ZNF223: variants seen among roughly 807,000 people sequenced by gnomAD.
ZNF223 encodes the protein zinc finger protein 223, also known as Homo sapiens zinc finger protein 223.
In ZNF223, 9 loss-of-function variants were observed where a neutral mutation model predicts 12.3. The observed-to-expected ratio is 0.73, with a 90% confidence interval of 0.44 to 1.28. ZNF223 has a LOEUF of 1.28. Among genes scored for constraint, ZNF223 ranks in the 50% most tolerant of loss-of-function variants. The pLI is 0.00. For synonymous variants in ZNF223, 171 were observed against 195.2 expected, an observed-to-expected ratio of 0.88 and a Z score of 1.03; for missense variants, 506 against 579.0, an observed-to-expected ratio of 0.87 and a Z score of 1.29.
Position 44,066,296 on chromosome 19 carries a change from C to G in ZNF223, c.468C>G (p.Ser156=), listed in dbSNP as rs1334126489. 4 of 1,614,106 alleles carry G rather than the reference C, an allele frequency of 2.5e-6. No homozygotes were observed. Among genetic ancestry groups the G allele is most frequent in the Non-Finnish European group, 3.4e-6 (4 of 1,180,042 alleles). The change falls in exon 5 of 5, where the codon TCC becomes TCG. Residue 156 remains serine, a synonymous_variant. Coordinates refer to ENST00000434772, the MANE Select transcript of ZNF223 (RefSeq NM_013361.6). ...KPSNCGKCKQ[S]FSDMSIFDLP... ...CCAATTGTGGGAAGTGTAAACAATC[C>G]TTCAGTGATATGTCCATCTTTGATC...
intron 2 of ZNF223, among the ~76,000 whole-genome samples, chr19:44,056,362 A>C (rs1301202944): frequency 2.7e-4 from 2 of 7,336 alleles, no homozygotes; most frequent in African/African-American, 8.5e-4. Flanking sequence ...CTAAAAATAC[A>C]AAAAAAAAAA....
intron 2 of ZNF223, among the ~76,000 whole-genome samples, chr19:44,057,137 T>A (rs1478981234): frequency 6.6e-6 from 1 of 152,224 alleles, no homozygotes; most frequent in Non-Finnish European, 1.5e-5. Context: ...AATGAATTGT[T>A]CTTCCTAATC....
chr19:44,052,952 A>G (rs1342016200), intron 1 of ZNF223, among the ~76,000 whole-genome samples: 2 of 152,124 alleles, frequency 1.3e-5, no homozygotes, highest in African/African-American at 2.4e-5. Flanking sequence ...ACCTAGCATC[A>G]TGTTATCTAA....
At chr19:44,052,228 G>T (rs3810406) in intron 1 of ZNF223, 33 bp downstream of exon 1, 74,723 of 152,214 alleles carry the variant, frequency 0.49, 21,022 homozygotes, top group Non-Finnish European at 0.65. Context: ...TATTGTTCCC[G>T]TCAGCGGAGC....
rs748491974 is a variant in ZNF223, at chr19:44,066,112, A to T, written c.284A>T (p.His95Leu). 3 of 1,613,184 alleles carry T rather than the reference A, an allele frequency of 1.9e-6. No individual in the cohort carries two copies. Among genetic ancestry groups the T allele is most frequent in the East Asian group, 2.2e-5 (1 of 44,878 alleles). ...EMKTFPEAGP[H>L]EGWSCQQIWE... Reference sequence around the variant, plus strand: ...AAGACTTTTCCAGAAGCAGGACCACATGAAGGGTGGTCCTGCCAGCAGATC... The same window carrying T: ...AAGACTTTTCCAGAAGCAGGACCACTTGAAGGGTGGTCCTGCCAGCAGATC... The change falls in exon 5 of 5, where the codon CAT (histidine) becomes CTT (leucine). Residue 95 changes from histidine (H) to leucine (L), a missense_variant. Coordinates refer to ENST00000434772, the MANE Select transcript of ZNF223 (RefSeq NM_013361.6).
In ZNF223 at chr19:44,060,507, G is replaced by A. The variant is rs1346950037; in HGVS notation, c.68G>A (p.Gly23Glu). ...VAVVFTEEEL[G>E]LLDLAQRKLY... ...GTGGTCTTCACTGAGGAGGAGCTGG[G>A]GCTGCTGGACCTTGCCCAGAGGAAG... Residue 23 changes from glycine to glutamate, a missense_variant, in exon 3 of 5, where the codon GGG becomes GAG. Physicochemically the swap from Gly to Glu is moderately conservative, Grantham distance 98. Transcript: ENST00000434772. 3 of 1,614,024 alleles carry A rather than the reference G, an allele frequency of 1.9e-6. No homozygotes were observed. The highest frequency in any genetic ancestry group is 3.3e-5 in the Admixed American group (2 of 59,998).
At chr19:44,058,560 T>C (rs925137173) in intron 2 of ZNF223, among the ~76,000 whole-genome samples, 2 of 152,204 alleles carry the variant, frequency 1.3e-5, no homozygotes, top group African/African-American at 2.4e-5. Context: ...CTGAAGCCAG[T>C]GGACCTGCTT....
Position 44,067,427 on chromosome 19 carries a change from A to G in ZNF223, c.*150A>G. The stretch of plus-strand genomic sequence containing the variant: ...AAAAATTCATTGTTCCAGCAGTTTG[A>G]AAATAAATTGTTGTCGATGATAGTC... On this transcript the variant is annotated 3_prime_UTR_variant, in exon 5 of 5. Transcript: ENST00000434772. 1 of 998,714 alleles carries G rather than the reference A, an allele frequency of 1.0e-6. No individual in the cohort carries two copies. The highest frequency in any genetic ancestry group is 1.5e-6 in the Non-Finnish European group (1 of 659,718). The allele number at this position is 998,714 out of a possible 1,614,324, so 61.9% of individuals were successfully genotyped here. A position where few individuals can be genotyped will look rare whatever the true frequency, so the allele number is the denominator to read the frequency against.
chr19:44,060,342 A>G (rs1599869448), intron 2 of ZNF223, 113 bp from the exon 3 acceptor site: 1 of 1,499,502 alleles, frequency 6.7e-7, no homozygotes, highest in East Asian at 2.3e-5. Flanking sequence ...GTTGACCTAC[A>G]TCTCTGAAGA....
intron 2 of ZNF223, among the ~76,000 whole-genome samples, chr19:44,059,865 C>T (rs148906232): frequency 7.0e-4 from 107 of 152,286 alleles, no homozygotes; most frequent in African/African-American, 2.5e-3. Context: ...TATGGTATTC[C>T]GTGGTCTCAT....
chr19:44,058,217 G>A (rs541439285), intron 2 of ZNF223, among the ~76,000 whole-genome samples: 7 of 152,314 alleles, frequency 4.6e-5, no homozygotes, highest in African/African-American at 1.7e-4. Context: ...AAGCAATAAA[G>A]GGGAGAGAGC....
chr19:44,055,867 G>A (rs770394818), intron 2 of ZNF223, among the ~76,000 whole-genome samples: 32 of 152,302 alleles, frequency 2.1e-4, no homozygotes, highest in Non-Finnish European at 2.5e-4. Context: ...GCAGAATGAG[G>A]AGGTTCCTGA....
intron 3 of ZNF223, 60 bp downstream of exon 3, chr19:44,060,641 G>C (rs1254620052): frequency 6.2e-7 from 1 of 1,613,132 alleles, no homozygotes; most frequent in African/African-American, 1.3e-5. Flanking sequence ...TTGTATCCTA[G>C]GGTGTTCAAG....
At chr19:44,058,788 C>A (rs1406878212) in intron 2 of ZNF223, among the ~76,000 whole-genome samples, 1 of 152,194 alleles carries the variant, frequency 6.6e-6, no homozygotes, top group East Asian at 1.9e-4. Context: ...GCAGGTGTCT[C>A]ATCATTTTTC....
At chr19:44,061,653 A>G (rs778235107) in intron 4 of ZNF223, among the ~76,000 whole-genome samples, 6 of 152,230 alleles carry the variant, frequency 3.9e-5, no homozygotes, top group African/African-American at 7.2e-5. Context: ...AGTGACTTCA[A>G]TGACATCTGC....
At chr19:44,053,445 ATG>A (rs1266089000) in intron 1 of ZNF223, among the ~76,000 whole-genome samples, 1 of 152,222 alleles carries the variant, frequency 6.6e-6, no homozygotes, top group Non-Finnish European at 1.5e-5. Context: ...GGCCAGATTT[ATG>A]TGTGACTTTA....
chr19:44,059,044 A>G (rs1976804265), intron 2 of ZNF223, among the ~76,000 whole-genome samples: 1 of 152,232 alleles, frequency 6.6e-6, no homozygotes, highest in Admixed American at 6.5e-5. Context: ...AGAGAAAGCC[A>G]TAAGGCTCAG....
Position 44,066,353 on chromosome 19 carries a change from T to C in ZNF223, c.525T>C (p.Ser175=). 6.2e-7 allele frequency: 1 copy of C among 1,614,232 alleles called. No individual in the cohort carries two copies. Among genetic ancestry groups the C allele is most frequent in the East Asian group, 2.2e-5 (1 of 44,884 alleles). Reference sequence around the variant, plus strand: ...AGCAAATACGCTCAGCAGAGAAGTCTCATTCCTGTGATGAGTGTGGAAAAA... The same window carrying C: ...AGCAAATACGCTCAGCAGAGAAGTCCCATTCCTGTGATGAGTGTGGAAAAA... ...LPQQIRSAEK[S]HSCDECGKSF... is the part of the protein sequence containing the mutation. Residue 175 remains serine (S), a synonymous_variant, in exon 5 of 5, where the codon TCT becomes TCC. Transcript: ENST00000434772.
intron 1 of ZNF223, among the ~76,000 whole-genome samples, chr19:44,053,586 C>G (rs11883052): frequency 6.6e-6 from 1 of 152,122 alleles, no homozygotes; most frequent in Non-Finnish European, 1.5e-5. Context: ...CATTCCATTC[C>G]CAGGGATGAG....
Sources: allele counts gnomAD v4.1 joint callset (sites outside exome capture counted in the v4.1 genomes callset), GRCh38; gene constraint gnomAD v4.1.1; transcripts MANE v1.5; gene names NCBI Gene and HGNC (gene_info 2026-07-23, HGNC 2026-07-21).